The following SDK1 variants were observed in gnomAD, a reference collection of about 807,000 sequenced individuals.
SDK1 encodes the protein protein sidekick-1.
In SDK1, 157 loss-of-function variants were observed where a neutral mutation model predicts 245.5. That is an observed-to-expected ratio of 0.64 (90% CI 0.56 to 0.73). SDK1 has a LOEUF of 0.73. Ranked by LOEUF, SDK1 falls within the 30% of genes least tolerant of loss-of-function variation. The pLI is 0.00. For missense variants in SDK1, 3,583 were observed against 3,002.3 expected, an observed-to-expected ratio of 1.19 and a Z score of -4.52; for synonymous variants, 1,647 against 1,278.5, an observed-to-expected ratio of 1.29 and a Z score of -6.15.
chr7:3,650,711 C>G (rs1347411847), intron 4 of SDK1, among the ~76,000 whole-genome samples: 1 of 152,170 alleles, frequency 6.6e-6, no homozygotes, highest in Non-Finnish European at 1.5e-5. Context: ...TCCTCTTGCC[C>G]TCATCCCCTT....
intron 2 of SDK1, among the ~76,000 whole-genome samples, chr7:3,635,073 G>C (rs61531398): frequency 0.37 from 55,916 of 152,050 alleles, 11,425 homozygotes; most frequent in African/African-American, 0.54. Flanking sequence ...TAATCTCACA[G>C]CTCCCCTCTG....
intron 4 of SDK1, among the ~76,000 whole-genome samples, chr7:3,768,089 C>T (rs886196905): frequency 1.3e-5 from 2 of 152,214 alleles, no homozygotes; most frequent in Admixed American, 6.5e-5. Flanking sequence ...ATGGCACAAT[C>T]CCAGGCTCTT....
At chr7:3,344,915 A>C (rs534096091) in intron 1 of SDK1, among the ~76,000 whole-genome samples, 1 of 152,292 alleles carries the variant, frequency 6.6e-6, no homozygotes, top group Admixed American at 6.5e-5. Flanking sequence ...GAGATGCTTC[A>C]TTTCCAGGTC....
intron 4 of SDK1, among the ~76,000 whole-genome samples, chr7:3,772,878 T>C (rs1009585681): frequency 4.6e-5 from 7 of 152,206 alleles, no homozygotes; most frequent in African/African-American, 1.7e-4. Flanking sequence ...TTTTGTTTTT[T>C]CAAATTTTCT....
chr7:4,018,762 G>A (rs1444223546), intron 17 of SDK1, among the ~76,000 whole-genome samples: 1 of 152,192 alleles, frequency 6.6e-6, no homozygotes, highest in Non-Finnish European at 1.5e-5. Context: ...TCAGTTGGCA[G>A]TGGGGAACCA....
chr7:3,992,291 A>G (rs1784386801), intron 14 of SDK1, among the ~76,000 whole-genome samples: 1 of 152,210 alleles, frequency 6.6e-6, no homozygotes, highest in Admixed American at 6.5e-5. Context: ...CTCAAGGTGC[A>G]TCTCTGGATG....
chr7:3,612,301 A>G (rs903605567), intron 1 of SDK1, among the ~76,000 whole-genome samples: 1 of 152,350 alleles, frequency 6.6e-6, no homozygotes, highest in African/African-American at 2.4e-5. Context: ...GGACCTGTCT[A>G]TATTTGCATA....
chr7:3,754,147 A>G (rs549769805), intron 4 of SDK1, among the ~76,000 whole-genome samples: 3 of 152,276 alleles, frequency 2.0e-5, no homozygotes, highest in African/African-American at 7.2e-5. Context: ...TGGCTCTTGG[A>G]GAGGTTTTTA....
intron 5 of SDK1, among the ~76,000 whole-genome samples, chr7:3,877,284 A>C (rs1356326580): frequency 6.6e-6 from 1 of 152,162 alleles, no homozygotes; most frequent in Non-Finnish European, 1.5e-5. Flanking sequence ...TTTCCTCCAC[A>C]CTTGAGGCCA....
intron 32 of SDK1, among the ~76,000 whole-genome samples, chr7:4,167,054 C>T (rs188656407): frequency 4.6e-5 from 7 of 152,208 alleles, no homozygotes; most frequent in African/African-American, 1.7e-4. Context: ...TTCTTCCTGC[C>T]TCCCCTACCT....
intron 5 of SDK1, among the ~76,000 whole-genome samples, chr7:3,878,473 C>A (rs1781125826): frequency 2.0e-5 from 3 of 152,114 alleles, no homozygotes; most frequent in South Asian, 2.1e-4. Context: ...GCCAAGATGG[C>A]ACCACTGCAC....
chr7:3,778,842 A>G (rs1313155272), intron 4 of SDK1, among the ~76,000 whole-genome samples: 1 of 152,234 alleles, frequency 6.6e-6, no homozygotes, highest in African/African-American at 2.4e-5. Flanking sequence ...ATTACAAATT[A>G]TAGACCGCCT....
Position 3,619,236 on chromosome 7 carries a change from A to G in SDK1, c.455A>G (p.Tyr152Cys). ...DSELTTYSSEYKYIIPSLQKL... is the reference protein window; with the variant it reads ...DSELTTYSSECKYIIPSLQKL... ...GAGCTCACCACCTACAGCAGCGAAT[A>G]TAAGTAATTGATCGCTTGAAAAAAT... The change falls in exon 2 of 45, where the codon TAT becomes TGT. Residue 152 changes from tyrosine to cysteine, a missense_variant. Transcript: ENST00000404826. The G allele has an allele frequency of 6.2e-7, 1 of 1,601,446 alleles. No homozygotes were observed. Among genetic ancestry groups the G allele is most frequent in the Non-Finnish European group, 8.6e-7 (1 of 1,169,496 alleles).
chr7:4,139,665 G>GTATATA lies in SDK1; in HGVS notation c.4229-6056_4229-6055insATATAT, dbSNP rs1462864678. Among the ~76,000 whole-genome samples, 68 of 68,634 alleles carry GTATATA rather than the reference G, an allele frequency of 9.9e-4. 1 individual carries two copies. Among genetic ancestry groups the GTATATA allele is most frequent in the African/African-American group, 4.2e-3 (57 of 13,728 alleles). The allele number at this position is 68,634 out of a possible 152,430, so 45.0% of individuals were successfully genotyped here. A position where few individuals can be genotyped will look rare whatever the true frequency, so the allele number is the denominator to read the frequency against. ...TGTGTGTATATGTGTGTGTGTATAT[G>GTATATA]TGTGTGTGTATATGTGTGTGTGTGT... On this transcript the variant is annotated intron_variant, in intron 28 of 44. Transcript: ENST00000404826.
chr7:4,040,285 T>G (rs1340039529), intron 17 of SDK1, among the ~76,000 whole-genome samples: 1 of 152,140 alleles, frequency 6.6e-6, no homozygotes, highest in African/African-American at 2.4e-5. Flanking sequence ...GCCTGAGCAC[T>G]TAGGTTCCCC....
intron 5 of SDK1, among the ~76,000 whole-genome samples, chr7:3,865,919 C>A (rs1460339486): frequency 6.6e-6 from 1 of 152,040 alleles, no homozygotes; most frequent in African/African-American, 2.4e-5. Context: ...CCCTCGTAGT[C>A]CTACATAAAC....
chr7:3,405,087 G>C (rs1167088460), intron 1 of SDK1, among the ~76,000 whole-genome samples: 1 of 151,388 alleles, frequency 6.6e-6, no homozygotes, highest in Non-Finnish European at 1.5e-5. Flanking sequence ...GGAAAGCCTT[G>C]GTTTTCTTAT....
intron 1 of SDK1, among the ~76,000 whole-genome samples, chr7:3,595,688 GTCAAAGTTACCAGT>G (rs1379728884): frequency 2.0e-5 from 3 of 151,860 alleles, no homozygotes; most frequent in Non-Finnish European, 2.9e-5. Flanking sequence ...CTTTGAACTA[GTCAAAGTTACCAGT>G]TCAAAGTTAG....
At position 4,237,753 on chromosome 7, in the gene SDK1, G is replaced by C. The variant is rs779464361; in HGVS notation, c.6099G>C (p.Gly2033=). Residue 2033 remains glycine (G), a synonymous_variant, in exon 42 of 45, where the codon GGG becomes GGC. Coordinates refer to ENST00000404826, the MANE Select transcript of SDK1 (RefSeq NM_152744.4). ...LLVVFALVLH[G]QNKKYKNCST... ...TGGTGTTCGCCCTCGTCCTGCACGG[G>C]CAGAATAAGAAGTATAAGAACTGCA... is the stretch of plus-strand genomic sequence containing the variant. The C allele has an allele frequency of 6.2e-7, 1 of 1,614,174 alleles. No individual in the cohort carries two copies. The highest frequency in any genetic ancestry group is 8.5e-7 in the Non-Finnish European group (1 of 1,180,042).
Sources: allele counts gnomAD v4.1 joint callset (sites outside exome capture counted in the v4.1 genomes callset), GRCh38; gene constraint gnomAD v4.1.1; transcripts MANE v1.5; gene names NCBI Gene and HGNC (gene_info 2026-07-23, HGNC 2026-07-21).